Variants in RNF144A observed in about 807,000 individuals in gnomAD.
RNF144A encodes the protein E3 ubiquitin-protein ligase RNF144A.
RNF144A carries 11 observed loss-of-function variants against 38.7 expected under a neutral mutation model. The observed-to-expected ratio is 0.28, with a 90% CI of 0.18 to 0.47. The LOEUF is 0.47. RNF144A is among the 20% of genes least tolerant of loss of function. The probability of loss-of-function intolerance (pLI) is 0.99; values close to 1 mark genes in which losing one functional copy is unlikely to be tolerated. For missense variants in RNF144A, 316 were observed against 377.2 expected (o/e 0.84, Z 1.34); for synonymous variants, 149 against 143.9 (o/e 1.04, Z -0.25).
At chr2:7,013,389 T>C (rs868381844) in intron 3 of RNF144A, among the ~76,000 whole-genome samples, 1 of 152,240 alleles carries the variant, frequency 6.6e-6, no homozygotes. Context: ...TAAAATGGAT[T>C]ATACGTTTTT....
At chr2:6,924,755 A>T (rs1270072437) in intron 1 of RNF144A, among the ~76,000 whole-genome samples, 1 of 152,244 alleles carries the variant, frequency 6.6e-6, no homozygotes, top group Non-Finnish European at 1.5e-5. Flanking sequence ...ATAAGAGTTG[A>T]AGAAGTGCAA....
At chr2:7,009,782 C>T (rs938639198) in intron 3 of RNF144A, among the ~76,000 whole-genome samples, 5 of 152,142 alleles carry the variant, frequency 3.3e-5, no homozygotes, top group Admixed American at 6.5e-5. Flanking sequence ...CCACAGCCCT[C>T]CAGCCTGTGC....
At chr2:7,010,487 A>G (rs528831832) in intron 3 of RNF144A, among the ~76,000 whole-genome samples, 16 of 152,306 alleles carry the variant, frequency 1.1e-4, no homozygotes, top group African/African-American at 3.4e-4. Context: ...AGTAGCCAGC[A>G]GGCCTTCGTG....
intron 6 of RNF144A, among the ~76,000 whole-genome samples, chr2:7,056,742 A>G (rs545298982): frequency 9.5e-4 from 144 of 152,134 alleles, no homozygotes; most frequent in African/African-American, 3.3e-3. Flanking sequence ...ACTTGATTCA[A>G]ATTCCATGGT....
rs1672995717 is a variant in RNF144A, at chr2:7,040,729, G to A, written c.*969G>A. The A allele has an allele frequency of 1.0e-6, 1 of 985,366 alleles. No homozygotes were observed. Among genetic ancestry groups the A allele is most frequent in the Non-Finnish European group, 1.2e-6 (1 of 829,944 alleles). 61.0% of individuals were successfully genotyped at this position (985,366 alleles called of 1,614,324 possible). A position where few individuals can be genotyped will look rare whatever the true frequency, so the allele number is the denominator to read the frequency against. ...AAAGCAGCCTCATTGATCCGCAGAT[G>A]TAGGGGCCTCTTGGCAGAGGCTGGA... On this transcript the variant is annotated 3_prime_UTR_variant, in exon 9 of 9. Transcript: ENST00000320892.
At chr2:6,999,177 G>T (rs1669946036) in intron 3 of RNF144A, among the ~76,000 whole-genome samples, 1 of 152,242 alleles carries the variant, frequency 6.6e-6, no homozygotes, top group Non-Finnish European at 1.5e-5. Context: ...CAAAAAAACA[G>T]TGACACTGTG....
intron 2 of RNF144A, among the ~76,000 whole-genome samples, chr2:6,966,605 A>C (rs978395514): frequency 6.6e-6 from 1 of 152,230 alleles, no homozygotes; most frequent in African/African-American, 2.4e-5. Context: ...TTAAGAGGTT[A>C]ATAGTAGCCA....
chr2:7,030,550 C>T (rs1312941660), intron 8 of RNF144A, among the ~76,000 whole-genome samples: 2 of 151,978 alleles, frequency 1.3e-5, no homozygotes, highest in African/African-American at 4.8e-5. Flanking sequence ...TTTAGGTAAT[C>T]CTTGCCTAGC....
chr2:6,923,988 A>G (rs1664707443), intron 1 of RNF144A, among the ~76,000 whole-genome samples: 1 of 152,220 alleles, frequency 6.6e-6, no homozygotes, highest in Non-Finnish European at 1.5e-5. Context: ...TGAATACAAG[A>G]TAGAGAAACC....
At chr2:6,930,345 T>G (rs1665124135) in intron 1 of RNF144A, among the ~76,000 whole-genome samples, 1 of 152,146 alleles carries the variant, frequency 6.6e-6, no homozygotes, top group African/African-American at 2.4e-5. Flanking sequence ...TCATAAGGAT[T>G]GTGACAGTTT....
At chr2:6,976,513 GTTAT>G (rs1482198080) in intron 2 of RNF144A, among the ~76,000 whole-genome samples, 1 of 150,752 alleles carries the variant, frequency 6.6e-6, no homozygotes, top group African/African-American at 2.4e-5. Context: ...TTTTCGTTTT[GTTAT>G]TTATTGTAAC....
chr2:6,993,410 C>T (rs953191830), intron 2 of RNF144A, among the ~76,000 whole-genome samples: 8 of 152,124 alleles, frequency 5.3e-5, no homozygotes, highest in Non-Finnish European at 7.4e-5. Flanking sequence ...GAACCCTGTA[C>T]GCTGTGCCAG....
chr2:7,007,842 C>T (rs6741819), intron 3 of RNF144A, among the ~76,000 whole-genome samples: 46,699 of 152,062 alleles, frequency 0.31, 7,553 homozygotes, highest in African/African-American at 0.39. Flanking sequence ...ACAAACGGGC[C>T]GCGCTGCCCA....
intron 2 of RNF144A, among the ~76,000 whole-genome samples, chr2:6,964,445 T>G (rs1398459011): frequency 1.3e-5 from 2 of 152,196 alleles, no homozygotes; most frequent in Non-Finnish European, 2.9e-5. Flanking sequence ...AGAAATACCA[T>G]TTGACCCAGC....
At chr2:6,994,878 G>A (rs760111679) in intron 2 of RNF144A, among the ~76,000 whole-genome samples, 19 of 152,274 alleles carry the variant, frequency 1.2e-4, no homozygotes, top group Non-Finnish European at 2.5e-4. Context: ...GATCCCGGGC[G>A]GTCTTCAGTC....
At chr2:6,964,764 G>T (rs999820130) in intron 2 of RNF144A, among the ~76,000 whole-genome samples, 1 of 147,894 alleles carries the variant, frequency 6.8e-6, no homozygotes, top group Non-Finnish European at 1.5e-5. Flanking sequence ...GGTGGGAATT[G>T]AAAAATGAGA....
At chr2:6,942,803 G>C (rs1348993732) in intron 2 of RNF144A, among the ~76,000 whole-genome samples, 1 of 152,180 alleles carries the variant, frequency 6.6e-6, no homozygotes, top group Non-Finnish European at 1.5e-5. Context: ...GGCCAACATG[G>C]CAAAACCCCA....
At chr2:7,005,172 C>T (rs1233313543) in intron 3 of RNF144A, among the ~76,000 whole-genome samples, 2 of 152,144 alleles carry the variant, frequency 1.3e-5, no homozygotes, top group African/African-American at 4.8e-5. Context: ...AAGTGTTCTT[C>T]AGCTGAAGGT....
intron 2 of RNF144A, among the ~76,000 whole-genome samples, chr2:6,960,237 A>ATAT (rs1667254599): frequency 6.6e-6 from 1 of 152,226 alleles, no homozygotes; most frequent in African/African-American, 2.4e-5. Context: ...GGGACGATGT[A>ATAT]TATCATAGGC....
Sources: gnomAD v4.1 joint callset for allele counts (sites outside exome capture counted in the v4.1 genomes callset) on GRCh38, gnomAD v4.1.1 for gene constraint, MANE v1.5 for transcripts, NCBI Gene and HGNC (gene_info 2026-07-23, HGNC 2026-07-21) for gene names.